GRM8: variants seen among roughly 807,000 people sequenced by gnomAD.
The protein encoded by GRM8 is glutamate metabotropic receptor 8, also known as metabotropic glutamate receptor 8.
Under a neutral mutation model 87.2 loss-of-function variants are expected in GRM8, and 47 were observed. The ratio of observed to expected loss-of-function variants is 0.54; its 90% CI spans 0.43 to 0.69. The LOEUF (loss-of-function observed/expected upper bound fraction) is 0.69. Among genes scored for constraint, GRM8 ranks in the 30% least tolerant of loss-of-function variants. GRM8 has a pLI of 0.00. For missense variants in GRM8, 1,019 were observed against 1,139.2 expected, an observed-to-expected ratio of 0.89 and a Z score of 1.52; for synonymous variants, 396 against 404.5, an observed-to-expected ratio of 0.98 and a Z score of 0.25.
chr7:127,152,666 C>A (rs775347067), intron 2 of GRM8, among the ~76,000 whole-genome samples: 3 of 152,020 alleles, frequency 2.0e-5, no homozygotes, highest in African/African-American at 4.8e-5. Context: ...TCTTCCTTTG[C>A]CAATTTGTTT....
chr7:126,618,018 A>G (rs1799705528), intron 7 of GRM8, among the ~76,000 whole-genome samples: 2 of 152,232 alleles, frequency 1.3e-5, no homozygotes, highest in Non-Finnish European at 1.5e-5. Context: ...AGAATTGGAA[A>G]AAACTACTTT....
intron 2 of GRM8, among the ~76,000 whole-genome samples, chr7:127,204,822 CAAGA>C (rs1274049878): frequency 6.6e-6 from 1 of 152,148 alleles, no homozygotes; most frequent in Non-Finnish European, 1.5e-5. Context: ...GCAACCCAGA[CAAGA>C]AATGAAAAGG....
At chr7:126,983,656 G>A (rs747728022) in intron 3 of GRM8, among the ~76,000 whole-genome samples, 18 of 152,170 alleles carry the variant, frequency 1.2e-4, no homozygotes, top group Non-Finnish European at 2.5e-4. Context: ...CCACAACGGA[G>A]GTAAGGAAGG....
chr7:126,709,418 AAAG>A (rs1225633665), intron 7 of GRM8, among the ~76,000 whole-genome samples: 1 of 152,000 alleles, frequency 6.6e-6, no homozygotes, highest in Non-Finnish European at 1.5e-5. Context: ...AAAAGAAGAA[AAAG>A]AAGAGGAGGA....
At chr7:126,920,137 T>C (rs1804360747) in intron 3 of GRM8, among the ~76,000 whole-genome samples, 1 of 152,126 alleles carries the variant, frequency 6.6e-6, no homozygotes, top group African/African-American at 2.4e-5. Context: ...TCTCTCTGTC[T>C]CTCTCTGTCT....
intron 2 of GRM8, among the ~76,000 whole-genome samples, chr7:127,190,206 G>T (rs1387215609): frequency 6.6e-6 from 1 of 152,174 alleles, no homozygotes; most frequent in Non-Finnish European, 1.5e-5. Context: ...CTTGCCACTA[G>T]AAATACACAA....
chr7:127,133,761 T>G (rs1041560412), intron 2 of GRM8, among the ~76,000 whole-genome samples: 1 of 151,972 alleles, frequency 6.6e-6, no homozygotes, highest in Non-Finnish European at 1.5e-5. Context: ...AACTGGCATT[T>G]TTTCACCCTT....
intron 9 of GRM8, among the ~76,000 whole-genome samples, chr7:126,470,462 C>T (rs1232731018): frequency 7.9e-5 from 12 of 151,238 alleles, no homozygotes; most frequent in African/African-American, 2.4e-4. Flanking sequence ...GTCCTTGCGA[C>T]AGTTTACTGA....
chr7:126,641,116 AT>A (rs1802335282), intron 7 of GRM8, among the ~76,000 whole-genome samples: 1 of 152,146 alleles, frequency 6.6e-6, no homozygotes, highest in Non-Finnish European at 1.5e-5. Flanking sequence ...ATCAGCTTAT[AT>A]TTCATTTTGA....
rs2299461 is a variant in GRM8 at position 126,555,821 on chromosome 7, A to G, written c.1495-21934T>C. Among the ~76,000 whole-genome samples the G allele has an allele frequency of 4.3e-3, 651 of 152,292 alleles. 11 individuals carry two copies. Among genetic ancestry groups the G allele is most frequent in the South Asian group, 0.042 (204 of 4,826 alleles). ...TGGAATACAAATGCTCTCAGATTGA[A>G]TCCCTCTTTGAACCACACATTTGAA... is the stretch of plus-strand genomic sequence containing the variant. On this transcript the variant is annotated intron_variant, in intron 8 of 10. Coordinates refer to ENST00000339582, the MANE Select transcript of GRM8 (RefSeq NM_000845.3).
intron 3 of GRM8, among the ~76,000 whole-genome samples, chr7:127,096,497 G>T (rs187686545): frequency 1.1e-3 from 160 of 151,914 alleles, no homozygotes; most frequent in Non-Finnish European, 1.8e-3. Flanking sequence ...GAGGCAGAGG[G>T]TGCAATGAGC....
chr7:126,981,951 A>T (rs1811577099), intron 3 of GRM8, among the ~76,000 whole-genome samples: 1 of 151,864 alleles, frequency 6.6e-6, no homozygotes, highest in South Asian at 2.1e-4. Flanking sequence ...GAGTGACAAA[A>T]CTAATAGGAT....
chr7:126,697,468 T>C (rs149844050), intron 7 of GRM8, among the ~76,000 whole-genome samples: 113 of 152,300 alleles, frequency 7.4e-4, no homozygotes, highest in Middle Eastern at 3.4e-3. Flanking sequence ...GACCTTAGTA[T>C]ATTTCACTAA....
At chr7:126,745,356 T>C (rs892166881) in intron 7 of GRM8, among the ~76,000 whole-genome samples, 1 of 128,786 alleles carries the variant, frequency 7.8e-6, no homozygotes, top group Admixed American at 8.2e-5. Flanking sequence ...TCAGGGTACT[T>C]ACAATTTCCA....
intron 7 of GRM8, among the ~76,000 whole-genome samples, chr7:126,749,014 C>T (rs1184560958): frequency 1.3e-5 from 2 of 152,114 alleles, no homozygotes; most frequent in African/African-American, 2.4e-5. Flanking sequence ...TACCTCACAC[C>T]TGTAATCCCA....
intron 3 of GRM8, among the ~76,000 whole-genome samples, chr7:127,020,566 C>T (rs1363795382): frequency 6.6e-6 from 1 of 152,018 alleles, no homozygotes; most frequent in Non-Finnish European, 1.5e-5. Flanking sequence ...GTTTATAACT[C>T]TAGTGATAAA....
chr7:126,583,442 T>C (rs1585121897), intron 8 of GRM8, among the ~76,000 whole-genome samples: 2 of 152,194 alleles, frequency 1.3e-5, no homozygotes, highest in Admixed American at 6.6e-5. Flanking sequence ...GCTGCCATAC[T>C]GATTCCTCTG....
intron 7 of GRM8, among the ~76,000 whole-genome samples, chr7:126,624,586 A>T (rs1309351657): frequency 3.3e-5 from 5 of 152,228 alleles, no homozygotes; most frequent in Non-Finnish European, 7.3e-5. Context: ...GTGATTGTGG[A>T]AAATATTTCT....
At chr7:126,834,958 C>A (rs879828802) in intron 6 of GRM8, among the ~76,000 whole-genome samples, 1 of 151,680 alleles carries the variant, frequency 6.6e-6, no homozygotes, top group African/African-American at 2.4e-5. Context: ...TGCCTGTATT[C>A]CCAGCTATTT....
Sources: gnomAD v4.1 joint callset for allele counts (sites outside exome capture counted in the v4.1 genomes callset) on GRCh38, gnomAD v4.1.1 for gene constraint, MANE v1.5 for transcripts, NCBI Gene and HGNC (gene_info 2026-07-23, HGNC 2026-07-21) for gene names.